Variants in TNRC6B observed in about 807,000 individuals in gnomAD.
TNRC6B encodes trinucleotide repeat-containing gene 6B protein.
TNRC6B carries 52 observed loss-of-function variants against 203.6 expected under a neutral mutation model. The observed-to-expected ratio is 0.26, with a 90% CI of 0.20 to 0.32. The LOEUF is 0.32. Ranked by LOEUF, TNRC6B falls within the 10% of genes least tolerant of loss-of-function variation. The pLI is 1.00. For synonymous variants in TNRC6B, 838 were observed against 845.7 expected, an observed-to-expected ratio of 0.99 and a Z score of 0.16; for missense variants, 1,923 against 2,286.2, an observed-to-expected ratio of 0.84 and a Z score of 3.24.
In TNRC6B at chr22:40,323,011, C is replaced by A. The variant is rs1477889473; in HGVS notation, c.5272C>A (p.Pro1758Thr). The change falls in exon 23 of 23, where the codon CCC becomes ACC. Residue 1758 changes from proline to threonine, a missense_variant. Around this residue, in one of 8 missense-constraint regions of TNRC6B, gnomAD observed 126 missense variants for 137.5 expected, o/e 0.92. Coordinates refer to ENST00000454349, the MANE Select transcript of TNRC6B (RefSeq NM_001162501.2). ...SLETGQNQSD[P>T]VGPALNLFGG... The stretch of plus-strand genomic sequence containing the variant: ...GGAGACCGGCCAGAACCAGTCAGAT[C>A]CCGTGGGACCTGCTCTGAATCTTTT... 6.2e-7 allele frequency: 1 copy of A among 1,605,884 alleles called. No individual in the cohort carries two copies. Among genetic ancestry groups the A allele is most frequent in the East Asian group, 2.2e-5 (1 of 44,602 alleles).
Position 40,317,770 on chromosome 22 carries a change from C to A in TNRC6B, c.4974+1758C>A, listed in dbSNP as rs974386787. On this transcript the variant is annotated intron_variant, in intron 21 of 22. Coordinates refer to ENST00000454349, the MANE Select transcript of TNRC6B (RefSeq NM_001162501.2). ...TAGATAACTGAGGTATTTGCAGAAG[C>A]ATTATGTTGAGCACCTGAACGAGGT... 5.9e-5 allele frequency among the ~76,000 whole-genome samples: 9 copies of A among 152,314 alleles called. No homozygotes were observed. In the South Asian group the frequency reaches 8.3e-4, roughly 14 times the overall value.
intron 1 of TNRC6B, among the ~76,000 whole-genome samples, chr22:40,063,708 C>A (rs1271606888): frequency 2.9e-5 from 4 of 138,966 alleles, no homozygotes; most frequent in Non-Finnish European, 6.3e-5. Flanking sequence ...TCTTTTTTTT[C>A]GTTTTTGTTT....
At chr22:40,155,793 G>A (rs1189380908) in intron 3 of TNRC6B, among the ~76,000 whole-genome samples, 2 of 152,140 alleles carry the variant, frequency 1.3e-5, no homozygotes, top group Admixed American at 6.5e-5. Flanking sequence ...AACTGTTTAT[G>A]TGTTCTCTTC....
chr22:40,081,307 G>GTTTTTTT (rs34140652), intron 1 of TNRC6B, among the ~76,000 whole-genome samples: 2 of 101,494 alleles, frequency 2.0e-5, no homozygotes, highest in African/African-American at 7.3e-5. Context: ...GTGTCTGCGT[G>GTTTTTTT]TTTTTTTTTT....
intron 1 of TNRC6B, chr22:40,106,770 TG>T: frequency 1.2e-6 from 1 of 825,296 alleles, no homozygotes; most frequent in Non-Finnish European, 2.1e-6. Context: ...CTTACCCCAT[TG>T]ATACCTCTGA....
At chr22:40,097,024 G>GACCC (rs1367255519) in intron 1 of TNRC6B, among the ~76,000 whole-genome samples, 1 of 152,166 alleles carries the variant, frequency 6.6e-6, no homozygotes, top group Non-Finnish European at 1.5e-5. Context: ...GGAGAACAGA[G>GACCC]ACCCCATCCT....
In TNRC6B at chr22:40,144,876, TG is replaced by T. The variant is rs540137324; in HGVS notation, c.46-11235del. On this transcript the variant is annotated intron_variant, in intron 3 of 23. Transcript: ENST00000301923. ...AGGGAAGGGGCATGTAGAAGTTTTC[TG>T]GGGAGATGGAAATTTTCTGTCTCAA... Among the ~76,000 whole-genome samples, 233 of 152,048 alleles carry T rather than the reference TG, an allele frequency of 1.5e-3. 1 individual carries two copies. Among genetic ancestry groups the T allele is most frequent in the Admixed American group, 3.6e-3 (55 of 15,234 alleles).
At chr22:40,277,187 C>G in intron 8 of TNRC6B, 36 bp downstream of exon 8, 1 of 1,514,472 alleles carries the variant, frequency 6.6e-7, no homozygotes, top group Non-Finnish European at 9.0e-7. Context: ...TAACGTATCC[C>G]AACTTTTAGG....
intron 2 of TNRC6B, among the ~76,000 whole-genome samples, chr22:40,123,702 T>TTCTGGTTCAGCTATGCCTATAATGCATCA (rs1280046847): frequency 6.6e-6 from 1 of 152,190 alleles, no homozygotes; most frequent in Non-Finnish European, 1.5e-5. Context: ...CAAGGAGTTT[T>TTCTGGTTCAGCTATGCCTATAATGCATCA]TCTGGTTCAG....
chr22:40,137,845 A>G (rs1171998371), intron 3 of TNRC6B, among the ~76,000 whole-genome samples: 4 of 151,954 alleles, frequency 2.6e-5, no homozygotes, highest in African/African-American at 4.8e-5. Context: ...TTAGCCGGGC[A>G]TGGTGGCAGG....
intron 1 of TNRC6B, among the ~76,000 whole-genome samples, 185 bp downstream of exon 1, chr22:40,178,325 G>T (rs1372782298): frequency 6.6e-6 from 1 of 152,166 alleles, no homozygotes; most frequent in Admixed American, 6.5e-5. Flanking sequence ...TGGAAAAGAC[G>T]TGGTAAAATA....
At chr22:40,105,220 G>T (rs2068273009) in intron 1 of TNRC6B, among the ~76,000 whole-genome samples, 1 of 152,198 alleles carries the variant, frequency 6.6e-6, no homozygotes, top group South Asian at 2.1e-4. Flanking sequence ...AATTTTTAAA[G>T]TTATACCAAA....
At chr22:40,096,905 G>A (rs569535095) in intron 1 of TNRC6B, among the ~76,000 whole-genome samples, 7 of 152,320 alleles carry the variant, frequency 4.6e-5, no homozygotes, top group African/African-American at 1.4e-4. Flanking sequence ...GAATGTAGTA[G>A]CAGTGTGCTC....
At chr22:40,248,148 C>A (rs1341575901) in intron 2 of TNRC6B, among the ~76,000 whole-genome samples, 1 of 152,038 alleles carries the variant, frequency 6.6e-6, no homozygotes, top group Non-Finnish European at 1.5e-5. Context: ...CGTCCGTGGC[C>A]ACATGCCCTG....
chr22:40,050,133 C>G (rs2067732911), intron 1 of TNRC6B, among the ~76,000 whole-genome samples: 1 of 152,160 alleles, frequency 6.6e-6, no homozygotes, highest in African/African-American at 2.4e-5. Flanking sequence ...AATCCTGCTA[C>G]TTAGTTACGA....
chr22:40,222,714 TTCTCTC>T, intron 1 of TNRC6B, among the ~76,000 whole-genome samples: 1 of 144,882 alleles, frequency 6.9e-6, no homozygotes, highest in Non-Finnish European at 1.5e-5. Context: ...TCTTGCTGTA[TTCTCTC>T]TCTCTCTCTT....
At chr22:40,099,390 T>C (rs896028237) in intron 1 of TNRC6B, among the ~76,000 whole-genome samples, 4 of 152,216 alleles carry the variant, frequency 2.6e-5, no homozygotes, top group African/African-American at 9.7e-5. Context: ...TTTGAAGCAC[T>C]CTTTTAATCA....
intron 1 of TNRC6B, among the ~76,000 whole-genome samples, chr22:40,103,682 A>C (rs1259659856): frequency 6.6e-6 from 1 of 151,526 alleles, no homozygotes; most frequent in African/African-American, 2.4e-5. Flanking sequence ...TCACTTTGTC[A>C]CCCAGGCTGG....
At chr22:40,056,020 C>A (rs908046034) in intron 1 of TNRC6B, among the ~76,000 whole-genome samples, 1 of 152,132 alleles carries the variant, frequency 6.6e-6, no homozygotes, top group Non-Finnish European at 1.5e-5. Context: ...AAATGTAGCC[C>A]ATTTTCCTTC....
Sources: gnomAD v4.1 joint callset for allele counts (sites outside exome capture counted in the v4.1 genomes callset) on GRCh38, gnomAD v4.1.1 for gene constraint, gnomAD v4.1.1 regional missense constraint, MANE v1.5 for transcripts, NCBI Gene and HGNC (gene_info 2026-07-23, HGNC 2026-07-21) for gene names.